MEIKIN: variants seen among roughly 807,000 people sequenced by gnomAD.
The protein encoded by MEIKIN is meiotic kinetochore factor.
At chr5:131,925,598 C>T (rs894025448) in intron 5 of MEIKIN, among the ~76,000 whole-genome samples, 5 of 152,046 alleles carry the variant, frequency 3.3e-5, no homozygotes, top group African/African-American at 1.2e-4. Flanking sequence ...AACTGATTTT[C>T]GTATGTTGAT....
intron 8 of MEIKIN, among the ~76,000 whole-genome samples, chr5:131,880,192 C>T (rs185057020): frequency 2.6e-5 from 4 of 152,078 alleles, no homozygotes; most frequent in East Asian, 1.9e-4. Flanking sequence ...CGGGTTCAAG[C>T]GATTCTCCTG....
chr5:131,933,449 G>A (rs1751721178), intron 5 of MEIKIN, 64 bp downstream of exon 5: 1 of 393,002 alleles, frequency 2.5e-6, no homozygotes, highest in Non-Finnish European at 4.5e-6. Flanking sequence ...ATTCATTGGA[G>A]GATTTGTGGA....
At chr5:131,807,729 G>C (rs1490496750) in intron 12 of MEIKIN, among the ~76,000 whole-genome samples, 2 of 152,142 alleles carry the variant, frequency 1.3e-5, no homozygotes, top group Non-Finnish European at 2.9e-5. Flanking sequence ...TTGATTCTGG[G>C]GCCTTTGCCC....
intron 9 of MEIKIN, among the ~76,000 whole-genome samples, chr5:131,875,723 C>G (rs188577191): frequency 5.4e-4 from 83 of 152,302 alleles, no homozygotes; most frequent in Middle Eastern, 3.4e-3. Context: ...CTGGAGGGAT[C>G]ATGCTACCTG....
chr5:131,861,556 T>C (rs965516390), intron 9 of MEIKIN, among the ~76,000 whole-genome samples: 4 of 152,222 alleles, frequency 2.6e-5, no homozygotes, highest in Non-Finnish European at 4.4e-5. Context: ...CTTTCAACTT[T>C]TCCCCATTCA....
intron 9 of MEIKIN, among the ~76,000 whole-genome samples, chr5:131,873,117 CATA>C (rs1750538169): frequency 6.6e-6 from 1 of 152,192 alleles, no homozygotes; most frequent in Non-Finnish European, 1.5e-5. Context: ...CAGCTGACAT[CATA>C]ATGACAGGAT....
chr5:131,824,007 A>C (rs538863714), intron 11 of MEIKIN, among the ~76,000 whole-genome samples: 1 of 152,294 alleles, frequency 6.6e-6, no homozygotes, highest in East Asian at 1.9e-4. Context: ...ACTTTCTCCT[A>C]AACAAATGGA....
chr5:131,908,043 CA>C (rs937852899), intron 8 of MEIKIN, among the ~76,000 whole-genome samples: 1 of 151,710 alleles, frequency 6.6e-6, no homozygotes, highest in Non-Finnish European at 1.5e-5. Context: ...CAAACTGTTC[CA>C]AAAAATAGAG....
At chr5:131,877,373 T>C (rs1002445392) in intron 9 of MEIKIN, among the ~76,000 whole-genome samples, 1 of 152,170 alleles carries the variant, frequency 6.6e-6, no homozygotes, top group African/African-American at 2.4e-5. Context: ...CAGCTGGGCA[T>C]GATGGCTCAC....
intron 11 of MEIKIN, among the ~76,000 whole-genome samples, 155 bp from the exon 12 acceptor site, chr5:131,819,018 T>C (rs1749425721): frequency 6.6e-6 from 1 of 152,146 alleles, no homozygotes; most frequent in Non-Finnish European, 1.5e-5. Context: ...CTAACAGTAA[T>C]TGGTTTTAAA....
intron 8 of MEIKIN, among the ~76,000 whole-genome samples, chr5:131,881,257 C>T (rs893549018): frequency 6.6e-6 from 1 of 152,118 alleles, no homozygotes; most frequent in African/African-American, 2.4e-5. Flanking sequence ...AATTGTTAGT[C>T]CTCAATCCTC....
At chr5:131,903,176 A>G (rs1480760821) in intron 8 of MEIKIN, among the ~76,000 whole-genome samples, 1 of 152,198 alleles carries the variant, frequency 6.6e-6, no homozygotes, top group Non-Finnish European at 1.5e-5. Flanking sequence ...TCTATGAGTC[A>G]TTGGTACACC....
chr5:131,878,937 A>G (rs1358773530), intron 9 of MEIKIN, 41 bp downstream of exon 9: 4 of 397,916 alleles, frequency 1.0e-5, no homozygotes, highest in Non-Finnish European at 1.8e-5. Context: ...TATTAATGAA[A>G]TGTATTATGA....
chr5:131,927,727 T>C (rs1303716612), intron 5 of MEIKIN, among the ~76,000 whole-genome samples: 1 of 152,228 alleles, frequency 6.6e-6, no homozygotes, highest in Non-Finnish European at 1.5e-5. Flanking sequence ...TTGTCTCTCA[T>C]GACTGTTTTT....
chr5:131,905,310 A>T (rs985248465), intron 8 of MEIKIN, among the ~76,000 whole-genome samples: 1 of 152,222 alleles, frequency 6.6e-6, no homozygotes, highest in African/African-American at 2.4e-5. Context: ...GTAAGAGGGA[A>T]GTTTATAGCA....
chr5:131,899,061 C>T lies in MEIKIN; in HGVS notation c.703+12754G>A, dbSNP rs1477701009. On this transcript the variant is annotated intron_variant, in intron 8 of 12. Transcript: ENST00000442687. ...CTGTTCCTGTTCAGCCATCTTGGAA[C>T]TGACCTCTACTCTTATCTCAATTAG... 2.6e-5 allele frequency among the ~76,000 whole-genome samples: 4 copies of T among 152,198 alleles called. 1 individual carries two copies. The South Asian group carries it at 8.3e-4, about 32-fold the overall frequency.
Position 131,911,878 on chromosome 5 carries a change from C to T in MEIKIN, c.640G>A (p.Val214Met). 1 of 397,734 alleles carries T rather than the reference C, an allele frequency of 2.5e-6. No homozygotes were observed. Among genetic ancestry groups the T allele is most frequent in the Non-Finnish European group, 4.4e-6 (1 of 225,154 alleles). The allele number at this position is 397,734 out of a possible 1,614,324, so 24.6% of individuals were successfully genotyped here. Residue 214 changes from valine (V) to methionine (M), a missense_variant and splice_region_variant, in exon 8 of 13, where the codon GTG becomes ATG. Val to Met is a conservative substitution (Grantham distance 21, BLOSUM62 1). Coordinates refer to ENST00000442687, the MANE Select transcript of MEIKIN (RefSeq NM_001303622.2). Reference sequence around the variant, plus strand: ...ACATTTTGATCTGCTACTGTCATCACTCTATAACAAGAACAAACTGTTTAG... The same window carrying T: ...ACATTTTGATCTGCTACTGTCATCATTCTATAACAAGAACAAACTGTTTAG... Reference protein sequence around the residue: ...EDYQKCHRKTVMTVADQNVSP... With the variant: ...EDYQKCHRKTMMTVADQNVSP...
intron 4 of MEIKIN, among the ~76,000 whole-genome samples, chr5:131,942,237 T>G (rs1294113905): frequency 6.6e-6 from 1 of 152,238 alleles, no homozygotes; most frequent in Non-Finnish European, 1.5e-5. Flanking sequence ...CATACTGGCC[T>G]TCTTCAGTTA....
intron 8 of MEIKIN, among the ~76,000 whole-genome samples, chr5:131,882,691 A>G (rs1224930285): frequency 6.6e-6 from 1 of 152,220 alleles, no homozygotes; most frequent in Non-Finnish European, 1.5e-5. Flanking sequence ...AGTCCTTACA[A>G]TAGTATACAA....
Sources: allele counts gnomAD v4.1 joint callset (sites outside exome capture counted in the v4.1 genomes callset), GRCh38; gene constraint gnomAD v4.1.1; transcripts MANE v1.5; gene names NCBI Gene and HGNC (gene_info 2026-07-23, HGNC 2026-07-21).